TMEM247: variants seen among roughly 807,000 people sequenced by gnomAD.
TMEM247 encodes transmembrane protein 247.
A neutral mutation model predicts 20.7 loss-of-function variants in TMEM247; 23 were observed. The observed-to-expected ratio is 1.11, with a 90% CI of 0.80 to 1.57. The LOEUF (loss-of-function observed/expected upper bound fraction) is 1.57, where lower values mean the gene tolerates loss of function less well. Ranked by LOEUF, TMEM247 falls within the 40% of genes most tolerant of loss-of-function variation. TMEM247 has a pLI of 0.00. For missense variants in TMEM247, 354 were observed against 283.8 expected, an observed-to-expected ratio of 1.25 and a Z score of -1.78; for synonymous variants, 106 against 111.9, an observed-to-expected ratio of 0.95 and a Z score of 0.33.
Position 46,479,805 on chromosome 2 carries a change from A to G in TMEM247, c.117+103A>G, listed in dbSNP as rs367935388. ...GAGCTTCCAGACAACTGCCAAGAAC[A>G]TCAGGTGACATGTACCCCAGCCCTG... On this transcript the variant is annotated intron_variant, in intron 1 of 2. Transcript: ENST00000434431. 120 of 803,664 alleles carry G rather than the reference A, an allele frequency of 1.5e-4. 1 individual carries two copies. Among genetic ancestry groups the G allele is most frequent in the African/African-American group, 1.5e-3 (87 of 58,480 alleles). The allele number at this position is 803,664 out of a possible 1,614,324, so 49.8% of individuals were successfully genotyped here. A position where few individuals can be genotyped will look rare whatever the true frequency, so the allele number is the denominator to read the frequency against.
intron 2 of TMEM247, 51 bp downstream of exon 2, chr2:46,480,815 T>C: frequency 6.7e-7 from 1 of 1,499,990 alleles, no homozygotes; most frequent in Non-Finnish European, 8.9e-7. Flanking sequence ...GGAGCTGAAG[T>C]CCCATGGGGC....
chr2:46,480,728 G>A, exon 2 of TMEM247: 1 of 1,551,502 alleles, frequency 6.4e-7, no homozygotes, highest in Non-Finnish European at 8.7e-7. Context: ...ACGAGGTGGT[G>A]ATGGAGCAGC....
intron 2 of TMEM247, among the ~76,000 whole-genome samples, chr2:46,481,934 G>C (rs1029951218): frequency 6.6e-6 from 1 of 152,144 alleles, no homozygotes; most frequent in Non-Finnish European, 1.5e-5. Context: ...CATCACCCTT[G>C]AGTTACATTT....
At chr2:46,480,750 G>A in exon 2 of TMEM247, 1 of 1,056,044 alleles carries the variant, frequency 9.5e-7, no homozygotes, top group Non-Finnish European at 1.2e-6. Context: ...GCAGCAAGAG[G>A]CGGCGCCCCG....
exon 3 of TMEM247, chr2:46,484,375 A>G (rs1412439184): frequency 1.3e-6 from 2 of 1,552,276 alleles, no homozygotes; most frequent in Middle Eastern, 1.7e-4. Context: ...AGCACTACCT[A>G]TTCTGCATTG....
At position 46,483,571 on chromosome 2, in the gene TMEM247, T is replaced by G. The variant is rs72875607; in HGVS notation, c.478-673T>G. Among the ~76,000 whole-genome samples the G allele has an allele frequency of 6.0e-3, 911 of 152,206 alleles. 12 individuals are homozygous for G. Among genetic ancestry groups the G allele is most frequent in the Middle Eastern group, 0.02 (6 of 294 alleles). ...GAGAGAACACTCCCAAGACCCAACA[T>G]CCACATGTGGGGCTCTTGGAGTCAG... On this transcript the variant is annotated intron_variant, in intron 2 of 2. Transcript: ENST00000434431.
chr2:46,483,885 T>A (rs1034768735), intron 2 of TMEM247, among the ~76,000 whole-genome samples: 1 of 152,186 alleles, frequency 6.6e-6, no homozygotes, highest in African/African-American at 2.4e-5. Flanking sequence ...ACTCTTGGGC[T>A]CAAGTGATCC....
intron 2 of TMEM247, among the ~76,000 whole-genome samples, chr2:46,481,241 C>T (rs558727053): frequency 2.0e-4 from 30 of 152,290 alleles, no homozygotes; most frequent in Non-Finnish European, 1.9e-4. Flanking sequence ...TTGATAGAAC[C>T]ATCACCTCCC....
chr2:46,480,897 G>A, intron 2 of TMEM247, 133 bp downstream of exon 2: 1 of 1,270,232 alleles, frequency 7.9e-7, no homozygotes, highest in Non-Finnish European at 1.1e-6. Flanking sequence ...CGGCTGAAAG[G>A]GGCTGAGCAT....
chr2:46,484,320 A>G, exon 3 of TMEM247: 1 of 1,552,244 alleles, frequency 6.4e-7, no homozygotes. Flanking sequence ...ATCTTCATTC[A>G]CATCATCTAT....
intron 1 of TMEM247, 32 bp downstream of exon 1, chr2:46,479,734 C>A (rs747137220): frequency 4.8e-5 from 69 of 1,439,158 alleles, no homozygotes; most frequent in Middle Eastern, 3.4e-4. Flanking sequence ...ACCACCCCCG[C>A]CTATTCCGTC....
chr2:46,482,044 A>T (rs1002792352), intron 2 of TMEM247, among the ~76,000 whole-genome samples: 37 of 152,228 alleles, frequency 2.4e-4, no homozygotes, highest in Non-Finnish European at 1.6e-4. Flanking sequence ...CATTTCCCCA[A>T]TTGACTGGTC....
Position 46,483,312 on chromosome 2 carries a change from G to C in TMEM247, c.478-932G>C, listed in dbSNP as rs555140423. 8.5e-5 allele frequency among the ~76,000 whole-genome samples: 13 copies of C among 152,304 alleles called. No homozygotes were observed. In the East Asian group the frequency reaches 2.1e-3, roughly 25 times the overall value. ...AGCAACCCACAGACAGAATTAGCCA[G>C]ACAACTCAAGCTGCTTTCCCCCAGC... On this transcript the variant is annotated intron_variant, in intron 2 of 2. Transcript: ENST00000434431.
At chr2:46,482,872 T>G (rs1439117073) in intron 2 of TMEM247, among the ~76,000 whole-genome samples, 1 of 152,226 alleles carries the variant, frequency 6.6e-6, no homozygotes, top group East Asian at 1.9e-4. Flanking sequence ...CCCTCACATT[T>G]TATGCAGCTG....
intron 2 of TMEM247, among the ~76,000 whole-genome samples, chr2:46,482,745 G>A (rs530459500): frequency 1.0e-3 from 156 of 152,284 alleles, no homozygotes; most frequent in Non-Finnish European, 1.6e-3. Context: ...GGTCAGCCCC[G>A]TCCTCCACTC....
At chr2:46,481,854 G>A (rs1440262358) in intron 2 of TMEM247, among the ~76,000 whole-genome samples, 2 of 152,130 alleles carry the variant, frequency 1.3e-5, no homozygotes, top group Non-Finnish European at 2.9e-5. Context: ...TGCTGTAATT[G>A]TTGAGGAGGA....
intron 1 of TMEM247, among the ~76,000 whole-genome samples, 175 bp downstream of exon 1, chr2:46,479,877 T>C (rs1402075685): frequency 6.6e-6 from 1 of 152,150 alleles, no homozygotes; most frequent in Non-Finnish European, 1.5e-5. Context: ...CTCCATAAGA[T>C]TGTGAAGTCA....
At chr2:46,480,798 G>A in intron 2 of TMEM247, 34 bp downstream of exon 2, 1 of 1,429,302 alleles carries the variant, frequency 7.0e-7, no homozygotes, top group Admixed American at 2.3e-5. Flanking sequence ...TGGGAGGAGG[G>A]AGGCCTGGAG....
At chr2:46,481,345 T>C (rs1686886211) in intron 2 of TMEM247, among the ~76,000 whole-genome samples, 1 of 152,152 alleles carries the variant, frequency 6.6e-6, no homozygotes, top group Admixed American at 6.5e-5. Flanking sequence ...TGTTCCCTAA[T>C]CTGTATTAAA....
Sources: gnomAD v4.1 joint callset for allele counts (sites outside exome capture counted in the v4.1 genomes callset) on GRCh38, gnomAD v4.1.1 for gene constraint, MANE v1.5 for transcripts, NCBI Gene and HGNC (gene_info 2026-07-23, HGNC 2026-07-21) for gene names.